The following PIGF variants were observed in gnomAD, a reference collection of about 807,000 sequenced individuals.
The protein encoded by PIGF is GPI ethanolamine phosphate transferase, stabilizing subunit.
A neutral mutation model predicts 26.0 loss-of-function variants in PIGF; 23 were observed. That is an observed-to-expected ratio of 0.88 (90% CI 0.64 to 1.25). The LOEUF is 1.25. PIGF is among the 50% of genes most tolerant of loss of function. The pLI, the probability that PIGF is intolerant of heterozygous loss-of-function variation, is 0.00. For synonymous variants in PIGF, 93 were observed against 92.6 expected, an observed-to-expected ratio of 1.00 and a Z score of -0.03; for missense variants, 278 against 249.9, an observed-to-expected ratio of 1.11 and a Z score of -0.76.
intron 4 of PIGF, among the ~76,000 whole-genome samples, chr2:46,611,858 G>T (rs914273584): frequency 1.3e-5 from 2 of 152,046 alleles, no homozygotes; most frequent in African/African-American, 2.4e-5. Context: ...ATGTATGTAA[G>T]CAATTTTATT....
At chr2:46,607,984 C>G (rs1244773214) in intron 4 of PIGF, among the ~76,000 whole-genome samples, 1 of 152,190 alleles carries the variant, frequency 6.6e-6, no homozygotes, top group Non-Finnish European at 1.5e-5. Context: ...AGGCACGACC[C>G]ACTGCGCCCA....
intron 3 of PIGF, among the ~76,000 whole-genome samples, chr2:46,613,046 A>G (rs560431667): frequency 5.3e-5 from 8 of 150,050 alleles, no homozygotes; most frequent in African/African-American, 1.7e-4. Flanking sequence ...ATGTATAAAT[A>G]TATATATATA....
intron 4 of PIGF, among the ~76,000 whole-genome samples, chr2:46,595,245 A>G (rs1268896030): frequency 6.6e-6 from 1 of 152,108 alleles, no homozygotes; most frequent in Non-Finnish European, 1.5e-5. Flanking sequence ...AGACTCTTTA[A>G]CCATTACCAA....
At chr2:46,592,905 T>A (rs1186446456) in intron 4 of PIGF, among the ~76,000 whole-genome samples, 4 of 152,208 alleles carry the variant, frequency 2.6e-5, no homozygotes, top group African/African-American at 9.6e-5. Context: ...TTATGCTAAA[T>A]TATTACATAT....
chr2:46,584,917 T>G (rs1369015618), intron 5 of PIGF, among the ~76,000 whole-genome samples: 3 of 152,170 alleles, frequency 2.0e-5, no homozygotes, highest in African/African-American at 4.8e-5. Context: ...TTATAATTAT[T>G]CTAAAAATTT....
intron 4 of PIGF, among the ~76,000 whole-genome samples, chr2:46,605,651 G>A (rs1276793979): frequency 6.6e-6 from 1 of 152,030 alleles, no homozygotes; most frequent in Non-Finnish European, 1.5e-5. Flanking sequence ...TCACTTGGCC[G>A]CTAAGTAGTA....
chr2:46,596,379 C>T (rs530838493), intron 4 of PIGF, among the ~76,000 whole-genome samples: 2 of 151,966 alleles, frequency 1.3e-5, no homozygotes, highest in South Asian at 4.2e-4. Flanking sequence ...AAGAGGTTGC[C>T]CTCTATTTTG....
chr2:46,606,481 G>A (rs1356510111), intron 4 of PIGF, among the ~76,000 whole-genome samples: 1 of 151,982 alleles, frequency 6.6e-6, no homozygotes, highest in Non-Finnish European at 1.5e-5. Context: ...TCACAGTGTG[G>A]GTTAAATTTA....
intron 4 of PIGF, among the ~76,000 whole-genome samples, chr2:46,593,692 A>G (rs1669792991): frequency 6.6e-6 from 1 of 152,360 alleles, no homozygotes; most frequent in South Asian, 2.1e-4. Context: ...ACAGTCAGGT[A>G]AAAGCCCACT....
intron 1 of PIGF, 127 bp from the exon 2 acceptor site, chr2:46,615,312 A>C: frequency 1.8e-6 from 1 of 568,276 alleles, no homozygotes; most frequent in Non-Finnish European, 3.2e-6. Flanking sequence ...TTCAAAACAC[A>C]AAAGATGCAG....
chr2:46,601,144 T>C (rs980803174), intron 4 of PIGF, among the ~76,000 whole-genome samples: 3 of 152,122 alleles, frequency 2.0e-5, no homozygotes, highest in Non-Finnish European at 4.4e-5. Flanking sequence ...TACTCTCATT[T>C]TGTAAGTTTC....
chr2:46,590,396 A>G (rs757430241), intron 5 of PIGF, among the ~76,000 whole-genome samples: 12 of 152,108 alleles, frequency 7.9e-5, no homozygotes, highest in South Asian at 2.1e-4. Flanking sequence ...ACCTAAACAC[A>G]TATTTTATAA....
At chr2:46,599,209 T>G (rs1669982161) in intron 4 of PIGF, among the ~76,000 whole-genome samples, 1 of 152,198 alleles carries the variant, frequency 6.6e-6, no homozygotes, top group Non-Finnish European at 1.5e-5. Context: ...GGTACAATTA[T>G]ATTTTCTTCA....
chr2:46,605,951 T>G (rs1670208913), intron 4 of PIGF, among the ~76,000 whole-genome samples: 1 of 152,226 alleles, frequency 6.6e-6, no homozygotes, highest in Non-Finnish European at 1.5e-5. Flanking sequence ...ATAAAATGTT[T>G]CACATTATAA....
chr2:46,598,659 T>G (rs1669964484), intron 4 of PIGF, among the ~76,000 whole-genome samples: 2 of 151,308 alleles, frequency 1.3e-5, no homozygotes, highest in African/African-American at 4.9e-5. Flanking sequence ...ACTCCTGTAG[T>G]GGTTGCCTGG....
At chr2:46,606,033 T>G (rs1196317107) in intron 4 of PIGF, among the ~76,000 whole-genome samples, 1 of 152,212 alleles carries the variant, frequency 6.6e-6, no homozygotes, top group Non-Finnish European at 1.5e-5. Context: ...TTAGGACAAC[T>G]TTTGCAGTCT....
At chr2:46,585,066 G>A (rs1302028635) in intron 5 of PIGF, among the ~76,000 whole-genome samples, 1 of 152,076 alleles carries the variant, frequency 6.6e-6, no homozygotes, top group South Asian at 2.1e-4. Context: ...CGTTCTTCAT[G>A]CCACAAATAG....
chr2:46,607,291 T>G (rs1344069938), intron 4 of PIGF, among the ~76,000 whole-genome samples: 2 of 152,224 alleles, frequency 1.3e-5, no homozygotes, highest in Non-Finnish European at 2.9e-5. Context: ...TAGGCAACCC[T>G]TCTCATGTCT....
intron 1 of PIGF, 64 bp from the exon 2 acceptor site, chr2:46,615,249 T>C (rs1374560452): frequency 2.8e-6 from 2 of 713,102 alleles, no homozygotes; most frequent in Non-Finnish European, 4.9e-6. Context: ...CTTAAATGTT[T>C]TGACCCCTAA....
Sources: gnomAD v4.1 joint callset for allele counts (sites outside exome capture counted in the v4.1 genomes callset) on GRCh38, gnomAD v4.1.1 for gene constraint, MANE v1.5 for transcripts, NCBI Gene and HGNC (gene_info 2026-07-23, HGNC 2026-07-21) for gene names.